The following ANOS1 variants were observed in gnomAD, a reference collection of about 807,000 sequenced individuals.
ANOS1 encodes the protein anosmin 1.
In ANOS1, 6 loss-of-function variants were observed where a neutral mutation model predicts 59.0. The observed-to-expected ratio is 0.10, with a 90% CI of 0.06 to 0.20. ANOS1 has a LOEUF of 0.20. Ranked by LOEUF, ANOS1 falls within the 10% of genes least tolerant of loss-of-function variation. The pLI is 1.00. For missense variants in ANOS1, 433 were observed against 542.3 expected (o/e 0.80, Z 2.00); for synonymous variants, 217 against 223.4 (o/e 0.97, Z 0.25).
At chrX:8,583,633 C>G (rs1930462198) in intron 6 of ANOS1, among the ~76,000 whole-genome samples, 1 of 111,872 alleles carries the variant, frequency 8.9e-6, no homozygotes, top group South Asian at 3.7e-4. Context: ...ATGGAATCTT[C>G]CATGAATTCT....
intron 3 of ANOS1, among the ~76,000 whole-genome samples, chrX:8,611,577 A>T (rs1198938602): frequency 1.0e-5 from 1 of 99,124 alleles, no homozygotes; most frequent in African/African-American, 3.7e-5. Flanking sequence ...CTGAAGGAAA[A>T]TCTTCAAAGC....
intron 4 of ANOS1, among the ~76,000 whole-genome samples, chrX:8,593,407 G>A (rs143476144): frequency 0.018 from 1,974 of 111,600 alleles, 46 homozygotes; most frequent in African/African-American, 0.061. Flanking sequence ...ATGTTATTTC[G>A]GATTTCCAAA....
chrX:8,729,690 G>A (rs1158398106), intron 1 of ANOS1, among the ~76,000 whole-genome samples: 4 of 90,804 alleles, frequency 4.4e-5, no homozygotes, highest in Non-Finnish European at 8.5e-5. Flanking sequence ...CACTGCGCCC[G>A]GCCCATCTTC....
At chrX:8,634,632 A>T (rs1931543959) in intron 2 of ANOS1, among the ~76,000 whole-genome samples, 1 of 112,212 alleles carries the variant, frequency 8.9e-6, no homozygotes, top group Non-Finnish European at 1.9e-5. Flanking sequence ...CCTGATTTAG[A>T]TGAAAAGTAT....
intron 2 of ANOS1, among the ~76,000 whole-genome samples, chrX:8,660,034 G>A (rs1932010094): frequency 8.9e-6 from 1 of 111,947 alleles, no homozygotes; most frequent in African/African-American, 3.2e-5. Flanking sequence ...GATGTAGGCA[G>A]AAATGCACTA....
chrX:8,701,345 G>T, intron 1 of ANOS1, among the ~76,000 whole-genome samples: 1 of 111,883 alleles, frequency 8.9e-6, no homozygotes. Flanking sequence ...AAAGAAAATT[G>T]AACCAAAAAA....
chrX:8,620,739 G>C (rs1931275975), intron 3 of ANOS1, among the ~76,000 whole-genome samples: 1 of 111,893 alleles, frequency 8.9e-6, no homozygotes, highest in East Asian at 2.8e-4. Flanking sequence ...TTTAACCGTT[G>C]GGCTGAAGCA....
intron 2 of ANOS1, among the ~76,000 whole-genome samples, chrX:8,670,820 G>A (rs978173267): frequency 5.4e-5 from 6 of 111,293 alleles, no homozygotes; most frequent in Admixed American, 2.9e-4. Context: ...GGAAAAGCCC[G>A]GCTGCTCCTC....
intron 2 of ANOS1, among the ~76,000 whole-genome samples, chrX:8,636,676 T>C (rs1325316327): frequency 8.9e-6 from 1 of 111,882 alleles, no homozygotes; most frequent in East Asian, 2.8e-4. Context: ...TTGTCTGATA[T>C]GTCAAACTCA....
intron 2 of ANOS1, among the ~76,000 whole-genome samples, chrX:8,640,395 C>T (rs746261271): frequency 9.0e-6 from 1 of 110,940 alleles, no homozygotes; most frequent in Non-Finnish European, 1.9e-5. Context: ...TTCCCTTCAG[C>T]GGCTTGACAG....
chrX:8,596,454 G>A (rs934995354), intron 4 of ANOS1, among the ~76,000 whole-genome samples: 3 of 112,142 alleles, frequency 2.7e-5, no homozygotes, highest in Admixed American at 1.9e-4. Flanking sequence ...AAGGAGCTAA[G>A]TGCTCTAGAA....
At chrX:8,657,562 G>A (rs767478219) in intron 2 of ANOS1, among the ~76,000 whole-genome samples, 23 of 105,905 alleles carry the variant, frequency 2.2e-4, no homozygotes, top group South Asian at 8.9e-4. Flanking sequence ...TCTGCCTCCC[G>A]GGTTCAAGCG....
Position 8,684,756 on chromosome X carries a change from C to T in ANOS1, c.255+14942G>A, listed in dbSNP as rs146798067. Among the ~76,000 whole-genome samples, 954 of 110,105 alleles carry T rather than the reference C, an allele frequency of 8.7e-3. 16 individuals carry two copies. Among genetic ancestry groups the T allele is most frequent in the African/African-American group, 0.03 (910 of 30,220 alleles). On this transcript the variant is annotated intron_variant, in intron 2 of 13. Coordinates refer to ENST00000262648, the MANE Select transcript of ANOS1 (RefSeq NM_000216.4). ...GTCCCGAAGCCATTGTGAAGTTTCTCTTGGGAAACACTGTTCATTCATCTG... is the reference window on the plus strand; with the variant it reads ...GTCCCGAAGCCATTGTGAAGTTTCTTTTGGGAAACACTGTTCATTCATCTG...
In ANOS1 at chrX:8,529,161, A is replaced by T. The variant is rs1929455835; in HGVS notation, c.*3834T>A. The T allele has an allele frequency of 9.0e-6, 1 of 111,498 alleles. No individual in the cohort carries two copies. Among genetic ancestry groups the T allele is most frequent in the South Asian group, 3.7e-4 (1 of 2,672 alleles). The allele number at this position is 111,498 out of a possible 1,213,427, so 9.2% of individuals were successfully genotyped here. A position where few individuals can be genotyped will look rare whatever the true frequency, so the allele number is the denominator to read the frequency against. Reference sequence around the variant, plus strand: ...TTTGTTATCTGCACACTACAATATAATTAAGTAAAGGGGAAAAGTAACTTT... The same window carrying T: ...TTTGTTATCTGCACACTACAATATATTTAAGTAAAGGGGAAAAGTAACTTT... On this transcript the variant is annotated 3_prime_UTR_variant, in exon 14 of 14. Transcript: ENST00000262648.
intron 2 of ANOS1, among the ~76,000 whole-genome samples, chrX:8,624,015 T>TC (rs1422179922): frequency 0.051 from 1,968 of 38,726 alleles, 58 homozygotes; most frequent in African/African-American, 0.15. Flanking sequence ...TCTTTTCTTT[T>TC]TTTTTTTTTT....
intron 3 of ANOS1, among the ~76,000 whole-genome samples, chrX:8,617,518 C>T (rs183957795): frequency 0.013 from 1,406 of 111,499 alleles, 15 homozygotes; most frequent in Non-Finnish European, 0.02. Flanking sequence ...CAGTGGCTCA[C>T]GCCTGTAATC....
chrX:8,678,724 C>T (rs1306471081), intron 2 of ANOS1, among the ~76,000 whole-genome samples: 1 of 111,731 alleles, frequency 9.0e-6, no homozygotes, highest in African/African-American at 3.3e-5. Flanking sequence ...GTGTATGTCG[C>T]CCATTTCACA....
At chrX:8,586,744 T>C (rs1237741476) in intron 5 of ANOS1, among the ~76,000 whole-genome samples, 1 of 110,728 alleles carries the variant, frequency 9.0e-6, no homozygotes, top group African/African-American at 3.3e-5. Context: ...TTTTTTTATA[T>C]AAAATATAGG....
At position 8,553,618 on chromosome X, in the gene ANOS1, A is replaced by G. The variant is rs1929892415; in HGVS notation, c.1354+334T>C. Among the ~76,000 whole-genome samples, 3 of 111,630 alleles carry G rather than the reference A, an allele frequency of 2.7e-5. No homozygotes were observed. The South Asian group carries it at 1.1e-3, about 41-fold the overall frequency. ...CCCCCCTACTTTCTAAATTATTTGT[A>G]TTATGGATCTTTAAAAAATAATAAT... On this transcript the variant is annotated intron_variant, in intron 9 of 13. Transcript: ENST00000262648.
Sources: allele counts gnomAD v4.1 joint callset (sites outside exome capture counted in the v4.1 genomes callset), GRCh38; gene constraint gnomAD v4.1.1; transcripts MANE v1.5; gene names NCBI Gene and HGNC (gene_info 2026-07-23, HGNC 2026-07-21).